The following TAS2R19 variants were observed in gnomAD, a reference collection of about 807,000 sequenced individuals.
TAS2R19 encodes the protein taste 2 receptor member 19, also known as taste receptor type 2 member 19.
For synonymous variants in TAS2R19, 108 were observed against 123.4 expected (o/e 0.87, Z 0.83); for missense variants, 336 against 342.4 (o/e 0.98, Z 0.15).
chr12:11,022,227 G>T lies in TAS2R19; in HGVS notation c.345C>A (p.Asn115Lys). 6.4e-7 allele frequency: 1 copy of T among 1,559,436 alleles called. No individual in the cohort carries two copies. Among genetic ancestry groups the T allele is most frequent in the Middle Eastern group, 1.7e-4 (1 of 5,916 alleles). The change falls in exon 1 of 1, where the codon AAC (asparagine) becomes AAA (lysine). Residue 115 changes from asparagine to lysine, a missense_variant. Physicochemically the swap from Asn to Lys is moderately conservative, Grantham distance 94. Coordinates refer to ENST00000390673, the MANE Select transcript of TAS2R19 (RefSeq NM_176888.2). The stretch of plus-strand genomic sequence containing the variant: ...TCTTCTTTAGGTGGAGAGAAATAAG[G>T]TTGGAGAAATTGGCAATCTTGAGCA... Reference protein sequence around the residue: ...FCLLKIANFSNLISLHLKKRI... With the variant: ...FCLLKIANFSKLISLHLKKRI...
At position 11,022,466 on chromosome 12, in the gene TAS2R19, C is replaced by A; in HGVS notation, c.106G>T (p.Val36Phe). The part of the protein sequence containing the change: ...FIALVNVIDW[V>F]NTRKISSAEQ... ...GCTGAGGAGATCTTTCGTGTGTTAA[C>A]CCAGTCAATGACATTTACTAGGGCT... Residue 36 changes from valine (V) to phenylalanine (F), a missense_variant, in exon 1 of 1, where the codon GTT becomes TTT. By Grantham distance (50) the Val-to-Phe change is conservative. Transcript: ENST00000390673. 1.2e-6 allele frequency: 2 copies of A among 1,613,608 alleles called. No homozygotes were observed.
chr12:11,022,134 C>G lies in TAS2R19; in HGVS notation c.438G>C (p.Val146=). The change falls in exon 1 of 1, where the codon GTG becomes GTC. Residue 146 remains valine, a synonymous_variant. Coordinates refer to ENST00000390673, the MANE Select transcript of TAS2R19 (RefSeq NM_176888.2). ...TCCACACTCTCTCATCCATGGTTAT[C>G]ACAGCAAGATTACAAATCAGAAATA... ...PLVFLICNLA[V]ITMDERVWTK... The G allele has an allele frequency of 6.2e-7, 1 of 1,613,812 alleles. No homozygotes were observed. Among genetic ancestry groups the G allele is most frequent in the Non-Finnish European group, 8.5e-7 (1 of 1,179,750 alleles).
rs953184832 is a variant in TAS2R19 at position 11,022,342 on chromosome 12, C to G, written c.230G>C (p.Gly77Ala). The G allele has an allele frequency of 6.2e-7, 1 of 1,613,924 alleles. No homozygotes were observed. The highest frequency in any genetic ancestry group is 1.3e-5 in the African/African-American group (1 of 74,922). Reference protein sequence around the residue: ...YATVFNSALYGLEVRIVASNA... With the variant: ...YATVFNSALYALEVRIVASNA... ...AGAAGCAACAATTCTTACTTCTAAA[C>G]CATATAAAGCAGAATTAAACACAGT... Residue 77 changes from glycine (G) to alanine (A), a missense_variant, in exon 1 of 1, where the codon GGT becomes GCT. Transcript: ENST00000390673.
Position 11,022,496 on chromosome 12 carries a change from A to G in TAS2R19, c.76T>C (p.Phe26Leu). The stretch of plus-strand genomic sequence containing the variant: ...TCAATGACATTTACTAGGGCTATGA[A>G]GCCATTGGCAACATTTCCAAGAACA... ...AFVLGNVANG[F>L]IALVNVIDWV... The change falls in exon 1 of 1, where the codon TTC (phenylalanine) becomes CTC (leucine). Residue 26 changes from phenylalanine (F) to leucine (L), a missense_variant. By Grantham distance (22) the Phe-to-Leu change is conservative. Coordinates refer to ENST00000390673, the MANE Select transcript of TAS2R19 (RefSeq NM_176888.2). 4 of 1,613,764 alleles carry G rather than the reference A, an allele frequency of 2.5e-6. No individual in the cohort carries two copies. The East Asian group carries it at 8.9e-5, about 36-fold the overall frequency.
At position 11,022,502 on chromosome 12, in the gene TAS2R19, T is replaced by C. The variant is rs1439294792; in HGVS notation, c.70A>G (p.Asn24Asp). The C allele has an allele frequency of 1.2e-6, 2 of 1,613,686 alleles. No individual in the cohort carries two copies. Among genetic ancestry groups the C allele is most frequent in the East Asian group, 2.2e-5 (1 of 44,888 alleles). ...ACATTTACTAGGGCTATGAAGCCAT[T>C]GGCAACATTTCCAAGAACAAATGCA... The part of the protein sequence containing the change: ...VFAFVLGNVA[N>D]GFIALVNVID... The change falls in exon 1 of 1, where the codon AAT (asparagine) becomes GAT (aspartate). Residue 24 changes from asparagine (N) to aspartate (D), a missense_variant. Coordinates refer to ENST00000390673, the MANE Select transcript of TAS2R19 (RefSeq NM_176888.2).
chr12:11,021,845 G>C lies in TAS2R19; in HGVS notation c.727C>G (p.Leu243Val), dbSNP rs1264764551. Residue 243 changes from leucine (L) to valine (V), a missense_variant, in exon 1 of 1, where the codon CTG becomes GTG. By Grantham distance (32) the Leu-to-Val change is conservative. Coordinates refer to ENST00000390673, the MANE Select transcript of TAS2R19 (RefSeq NM_176888.2). ...TTCCAAGTTGATGTGATTATACACA[G>C]AAAGTAAATGGCAAATAACATGAGG... ...SFLMLFAIYF[L>V]CIITSTWNLR... 2 of 1,614,140 alleles carry C rather than the reference G, an allele frequency of 1.2e-6. No homozygotes were observed. Among genetic ancestry groups the C allele is most frequent in the African/African-American group, 2.7e-5 (2 of 74,954 alleles).
Position 11,021,828 on chromosome 12 carries a change from T to C in TAS2R19, c.744A>G (p.Ser248=). The change falls in exon 1 of 1, where the codon TCA becomes TCG. Residue 248 remains serine (S), a synonymous_variant. Coordinates refer to ENST00000390673, the MANE Select transcript of TAS2R19 (RefSeq NM_176888.2). ...FAIYFLCIIT[S]TWNLRTQQSK... Reference sequence around the variant, plus strand: ...TCTGCTGTGTCCTAAGATTCCAAGTTGATGTGATTATACACAGAAAGTAAA... The same window carrying C: ...TCTGCTGTGTCCTAAGATTCCAAGTCGATGTGATTATACACAGAAAGTAAA... 1 of 1,614,264 alleles carries C rather than the reference T, an allele frequency of 6.2e-7. No individual in the cohort carries two copies. The highest frequency in any genetic ancestry group is 1.3e-5 in the African/African-American group (1 of 75,070).
rs1941689828 is a variant in TAS2R19 at position 11,022,275 on chromosome 12, A to C, written c.297T>G (p.Ala99=). 1 of 1,614,220 alleles carries C rather than the reference A, an allele frequency of 6.2e-7. No individual in the cohort carries two copies. The change falls in exon 1 of 1, where the codon GCT becomes GCG. Residue 99 remains alanine (A), a synonymous_variant. Transcript: ENST00000390673. ...AVTNHFSMWL[A]ASLSIFCLLK... ...GCAAACAAAATATGCTGAGGCTAGC[A>C]GCAAGCCACATGCTGAAATGGTTCG...
Position 11,022,246 on chromosome 12 carries a change from T to C in TAS2R19, c.326A>G (p.Lys109Arg). Residue 109 changes from lysine (K) to arginine (R), a missense_variant, in exon 1 of 1, where the codon AAG (lysine) becomes AGG (arginine). Physicochemically the swap from Lys to Arg is conservative, Grantham distance 26. Coordinates refer to ENST00000390673, the MANE Select transcript of TAS2R19 (RefSeq NM_176888.2). The stretch of plus-strand genomic sequence containing the variant: ...AATAAGGTTGGAGAAATTGGCAATC[T>C]TGAGCAAACAAAATATGCTGAGGCT... ...AASLSIFCLL[K>R]IANFSNLISL... The C allele has an allele frequency of 1.2e-6, 2 of 1,614,176 alleles. No individual in the cohort carries two copies. Among genetic ancestry groups the C allele is most frequent in the Admixed American group, 1.7e-5 (1 of 60,028 alleles).
rs766305030 is a variant in TAS2R19 at position 11,022,565 on chromosome 12, A to C, written c.7T>G (p.Cys3Gly). The C allele has an allele frequency of 1.9e-6, 3 of 1,606,440 alleles. No homozygotes were observed. In the African/African-American group the frequency reaches 4.0e-5, roughly 21 times the overall value. Reference sequence around the variant, plus strand: ...ATTGATGAAATGATGAGCAGAAAACACATCATGTTTGAACAGATAAAAAAA... The same window carrying C: ...ATTGATGAAATGATGAGCAGAAAACCCATCATGTTTGAACAGATAAAAAAA... The part of the protein sequence containing the change: MM[C>G]FLLIISSILV... Residue 3 changes from cysteine to glycine, a missense_variant, in exon 1 of 1, where the codon TGT becomes GGT. Cys to Gly is a radical substitution (Grantham distance 159, BLOSUM62 -3). Transcript: ENST00000390673.
Position 11,022,196 on chromosome 12 carries a change from T to C in TAS2R19, c.376A>G (p.Lys126Glu), listed in dbSNP as rs12424373. The C allele has an allele frequency of 6.2e-7, 1 of 1,614,062 alleles. No individual in the cohort carries two copies. Among genetic ancestry groups the C allele is most frequent in the South Asian group, 1.1e-5 (1 of 91,048 alleles). ...LISLHLKKRI[K>E]SVVLVILLGP... ...AACAGTATCACCAGAACAACACTCTTAATTCTCTTCTTTAGGTGGAGAGAA... is the reference window on the plus strand; with the variant it reads ...AACAGTATCACCAGAACAACACTCTCAATTCTCTTCTTTAGGTGGAGAGAA... Residue 126 changes from lysine to glutamate, a missense_variant, in exon 1 of 1, where the codon AAG (lysine) becomes GAG (glutamate). By Grantham distance (56) the Lys-to-Glu change is moderately conservative. Coordinates refer to ENST00000390673, the MANE Select transcript of TAS2R19 (RefSeq NM_176888.2).
rs754615861 is a variant in TAS2R19 at position 11,022,541 on chromosome 12, T to C, written c.31A>G (p.Ile11Val). The change falls in exon 1 of 1, where the codon ATT becomes GTT. Residue 11 changes from isoleucine (I) to valine (V), a missense_variant. By Grantham distance (29) the Ile-to-Val change is conservative (BLOSUM62 3). Transcript: ENST00000390673. MMCFLLIISS[I>V]LVVFAFVLGN... is the part of the protein sequence containing the mutation. ...AGAACAAATGCAAACACTACCAGAATTGATGAAATGATGAGCAGAAAACAC... is the reference window on the plus strand; with the variant it reads ...AGAACAAATGCAAACACTACCAGAACTGATGAAATGATGAGCAGAAAACAC... 7.4e-6 allele frequency: 12 copies of C among 1,612,364 alleles called. No individual in the cohort carries two copies. The highest frequency in any genetic ancestry group is 3.3e-5 in the South Asian group (3 of 91,012).
Position 11,021,975 on chromosome 12 carries a change from G to T in TAS2R19, c.597C>A (p.Ile199=), listed in dbSNP as rs1941666914. 6.2e-7 allele frequency: 1 copy of T among 1,604,562 alleles called. No homozygotes were observed. Among genetic ancestry groups the T allele is most frequent in the African/African-American group, 1.4e-5 (1 of 73,250 alleles). ...TLSLICFLLL[I]CSLCKHLKKM... is the part of the protein sequence containing the mutation. Reference sequence around the variant, plus strand: ...TCTTGAGATGTTTACAAAGAGAACAGATTAACAGCAGAAAACATATTAGGC... The same window carrying T: ...TCTTGAGATGTTTACAAAGAGAACATATTAACAGCAGAAAACATATTAGGC... Residue 199 remains isoleucine (I), a synonymous_variant, in exon 1 of 1, where the codon ATC becomes ATA. Coordinates refer to ENST00000390673, the MANE Select transcript of TAS2R19 (RefSeq NM_176888.2).
rs780046973 is a variant in TAS2R19 at position 11,021,623 on chromosome 12, C to T, written c.*49G>A. The T allele has an allele frequency of 1.2e-5, 18 of 1,497,782 alleles. No individual in the cohort carries two copies. The highest frequency in any genetic ancestry group is 1.6e-5 in the Non-Finnish European group (18 of 1,096,730). 92.8% of individuals were successfully genotyped at this position (1,497,782 alleles called of 1,614,324 possible). On this transcript the variant is annotated 3_prime_UTR_variant, in exon 1 of 1. Coordinates refer to ENST00000390673, the MANE Select transcript of TAS2R19 (RefSeq NM_176888.2). ...AGTTTGTTTTCTGCTAGAAGACCCA[C>T]GATGCTCCCCTTGTGAATCTATGGA...
rs1182220090 is a variant in TAS2R19, at chr12:11,021,850, T to G, written c.722A>C (p.Tyr241Ser). The G allele has an allele frequency of 2.5e-6, 4 of 1,614,140 alleles. No individual in the cohort carries two copies. The African/African-American group carries it at 5.3e-5, about 22-fold the overall frequency. ...AGTTGATGTGATTATACACAGAAAG[T>G]AAATGGCAAATAACATGAGGAAGGA... is the stretch of plus-strand genomic sequence containing the variant. ...VTSFLMLFAI[Y>S]FLCIITSTWN... is the part of the protein sequence containing the mutation. Residue 241 changes from tyrosine to serine, a missense_variant, in exon 1 of 1, where the codon TAC becomes TCC. Coordinates refer to ENST00000390673, the MANE Select transcript of TAS2R19 (RefSeq NM_176888.2).
rs374667272 is a variant in TAS2R19 at position 11,021,866 on chromosome 12, T to C, written c.706A>G (p.Met236Val). 7.4e-6 allele frequency: 12 copies of C among 1,614,118 alleles called. No individual in the cohort carries two copies. The highest frequency in any genetic ancestry group is 9.3e-6 in the Non-Finnish European group (11 of 1,180,042). The stretch of plus-strand genomic sequence containing the variant: ...CACAGAAAGTAAATGGCAAATAACA[T>C]GAGGAAGGAGGTCACAGTTTGCAAA... Reference protein sequence around the residue: ...KALQTVTSFLMLFAIYFLCII... With the variant: ...KALQTVTSFLVLFAIYFLCII... The change falls in exon 1 of 1, where the codon ATG (methionine) becomes GTG (valine). Residue 236 changes from methionine (M) to valine (V), a missense_variant. Physicochemically the swap from Met to Val is conservative, Grantham distance 21 (BLOSUM62 1). Transcript: ENST00000390673.
rs1334572620 is a variant in TAS2R19 at position 11,021,900 on chromosome 12, A to G, written c.672T>C (p.His224=). The change falls in exon 1 of 1, where the codon CAT becomes CAC. Residue 224 remains histidine, a synonymous_variant. Coordinates refer to ENST00000390673, the MANE Select transcript of TAS2R19 (RefSeq NM_176888.2). ...KGSQDPSTKV[H]IKALQTVTSF... is the part of the protein sequence containing the mutation. ...AGGTCACAGTTTGCAAAGCTTTTAT[A>G]TGGACCTTGGTGCTGGGATCTTGAG... 1.2e-6 allele frequency: 2 copies of G among 1,614,226 alleles called. No homozygotes were observed. Among genetic ancestry groups the G allele is most frequent in the South Asian group, 1.1e-5 (1 of 91,084 alleles).
chr12:11,022,592 G>A lies in TAS2R19; in HGVS notation c.-21C>T, dbSNP rs1379288362. The A allele has an allele frequency of 6.4e-7, 1 of 1,554,692 alleles. No individual in the cohort carries two copies. The highest frequency in any genetic ancestry group is 8.7e-7 in the Non-Finnish European group (1 of 1,143,248). On this transcript the variant is annotated 5_prime_UTR_variant, in exon 1 of 1. Transcript: ENST00000390673. ...ATCATGTTTGAACAGATAAAAAAATGCAGGCTTAGTAACACTTGTTCTGAG... is the reference window on the plus strand; with the variant it reads ...ATCATGTTTGAACAGATAAAAAAATACAGGCTTAGTAACACTTGTTCTGAG...
Position 11,022,600 on chromosome 12 carries a change from A to T in TAS2R19, c.-29T>A, listed in dbSNP as rs1228943983. 2.0e-6 allele frequency: 3 copies of T among 1,516,498 alleles called. No individual in the cohort carries two copies. Among genetic ancestry groups the T allele is most frequent in the Non-Finnish European group, 2.7e-6 (3 of 1,113,078 alleles). The allele number at this position is 1,516,498 out of a possible 1,614,324, so 93.9% of individuals were successfully genotyped here. ...TGAACAGATAAAAAAATGCAGGCTT[A>T]GTAACACTTGTTCTGAGTCCTTTAA... On this transcript the variant is annotated 5_prime_UTR_variant, in exon 1 of 1. Coordinates refer to ENST00000390673, the MANE Select transcript of TAS2R19 (RefSeq NM_176888.2).
Sources: allele counts gnomAD v4.1 joint callset, GRCh38; gene constraint gnomAD v4.1.1; transcripts MANE v1.5; gene names NCBI Gene and HGNC (gene_info 2026-07-23, HGNC 2026-07-21).